Variants in DLG2 observed in about 807,000 individuals in gnomAD.
The protein encoded by DLG2 is disks large homolog 2.
Under a neutral mutation model 132.5 loss-of-function variants are expected in DLG2, and 45 were observed. The ratio of observed to expected loss-of-function variants is 0.34; its 90% CI spans 0.27 to 0.44. DLG2 has a LOEUF of 0.44. Among genes scored for constraint, DLG2 ranks in the 20% least tolerant of loss-of-function variants. The pLI is 1.00. For synonymous variants in DLG2, 424 were observed against 419.6 expected (o/e 1.01, Z -0.13); for missense variants, 1,045 against 1,196.9 (o/e 0.87, Z 1.87).
intron 3 of DLG2, among the ~76,000 whole-genome samples, chr11:85,382,567 G>T (rs1028518330): frequency 6.6e-6 from 1 of 151,862 alleles, no homozygotes; most frequent in South Asian, 2.1e-4. Flanking sequence ...GCAACCCACC[G>T]ATGAAAAATA....
At chr11:84,176,918 C>CTTTT (rs2095987342) in intron 8 of DLG2, among the ~76,000 whole-genome samples, 1 of 151,750 alleles carries the variant, frequency 6.6e-6, no homozygotes, top group Non-Finnish European at 1.5e-5. Flanking sequence ...CCCTTCCTTT[C>CTTTT]CTTTTCTTTT....
intron 3 of DLG2, among the ~76,000 whole-genome samples, chr11:85,596,915 T>C (rs1301264538): frequency 1.3e-5 from 2 of 152,246 alleles, no homozygotes; most frequent in African/African-American, 4.8e-5. Context: ...TGTTGTATAA[T>C]GTTGCTCTCT....
At chr11:85,233,563 A>T (rs1445878112) in intron 4 of DLG2, among the ~76,000 whole-genome samples, 1 of 151,900 alleles carries the variant, frequency 6.6e-6, no homozygotes, top group East Asian at 1.9e-4. Flanking sequence ...AGAATTCTAA[A>T]AGTTTTGTCA....
At position 84,898,762 on chromosome 11, in the gene DLG2, A is replaced by C. The variant is rs1012111980; in HGVS notation, c.357+212899T>G. Among the ~76,000 whole-genome samples the C allele has an allele frequency of 4.6e-5, 7 of 151,934 alleles. No individual in the cohort carries two copies. In the South Asian group the frequency reaches 1.5e-3, roughly 31 times the overall value. On this transcript the variant is annotated intron_variant, in intron 6 of 27. Coordinates refer to ENST00000376104, the MANE Select transcript of DLG2 (RefSeq NM_001142699.3). ...ACCTTACCTGCCTTTTCTTCTAAAA[A>C]ACTATCTAGCTATCTTCCATGGCCC...
At chr11:84,108,640 G>A (rs1219764179) in intron 9 of DLG2, among the ~76,000 whole-genome samples, 1 of 152,140 alleles carries the variant, frequency 6.6e-6, no homozygotes, top group East Asian at 1.9e-4. Context: ...GCTGAGGCAA[G>A]AGAAGGTAGC....
intron 4 of DLG2, among the ~76,000 whole-genome samples, chr11:85,271,786 T>C (rs1595859777): frequency 6.6e-6 from 1 of 152,236 alleles, no homozygotes; most frequent in Non-Finnish European, 1.5e-5. Flanking sequence ...GGAACAAGTA[T>C]TTACCCAATG....
intron 7 of DLG2, among the ~76,000 whole-genome samples, chr11:84,500,282 C>T (rs2099199773): frequency 6.6e-6 from 1 of 151,062 alleles, no homozygotes; most frequent in South Asian, 2.1e-4. Flanking sequence ...TGACAGTTGT[C>T]ACCCAGGCAT....
At position 85,047,231 on chromosome 11, in the gene DLG2, C is replaced by T. The variant is rs114796984; in HGVS notation, c.357+64430G>A. ...GCTTGCTGTTCCTAGATTGTTGTCCCTCGATTTTAGTGCATATCTTAATTT... is the reference window on the plus strand; with the variant it reads ...GCTTGCTGTTCCTAGATTGTTGTCCTTCGATTTTAGTGCATATCTTAATTT... On this transcript the variant is annotated intron_variant, in intron 6 of 27. Coordinates refer to ENST00000376104, the MANE Select transcript of DLG2 (RefSeq NM_001142699.3). 6.7e-3 allele frequency among the ~76,000 whole-genome samples: 1,012 copies of T among 151,952 alleles called. 12 individuals carry two copies. The highest frequency in any genetic ancestry group is 0.023 in the African/African-American group (969 of 41,466).
chr11:85,154,013 G>A (rs1354683276), intron 5 of DLG2, among the ~76,000 whole-genome samples: 1 of 151,676 alleles, frequency 6.6e-6, no homozygotes, highest in Non-Finnish European at 1.5e-5. Flanking sequence ...TAGGACTAAT[G>A]ACTTCATTTT....
At chr11:84,324,642 T>G (rs1427399216) in intron 7 of DLG2, among the ~76,000 whole-genome samples, 1 of 152,190 alleles carries the variant, frequency 6.6e-6, no homozygotes, top group Non-Finnish European at 1.5e-5. Context: ...ATGGACATTT[T>G]AACAATATTA....
chr11:85,545,383 G>A (rs927932993), intron 3 of DLG2, among the ~76,000 whole-genome samples: 8 of 152,142 alleles, frequency 5.3e-5, no homozygotes, highest in East Asian at 3.9e-4. Flanking sequence ...TGCTGGATTC[G>A]GTTTGCCAGT....
chr11:84,963,805 G>T (rs2052934991), intron 6 of DLG2, among the ~76,000 whole-genome samples: 1 of 152,090 alleles, frequency 6.6e-6, no homozygotes, highest in South Asian at 2.1e-4. Context: ...TACTCTGCAG[G>T]TAACTTGGCA....
intron 8 of DLG2, among the ~76,000 whole-genome samples, chr11:84,207,138 T>C (rs1195197349): frequency 6.6e-6 from 1 of 151,586 alleles, no homozygotes; most frequent in East Asian, 1.9e-4. Context: ...TACAAAATAC[T>C]GCTGAGATAG....
At chr11:84,420,826 G>A (rs1286409024) in intron 7 of DLG2, among the ~76,000 whole-genome samples, 2 of 151,118 alleles carry the variant, frequency 1.3e-5, no homozygotes, top group South Asian at 2.1e-4. Context: ...GCGCCACCAC[G>A]CCCGGCTAAT....
At position 84,713,173 on chromosome 11, in the gene DLG2, G is replaced by C. The variant is rs570829832; in HGVS notation, c.358-178442C>G. Among the ~76,000 whole-genome samples, 85 of 152,156 alleles carry C rather than the reference G, an allele frequency of 5.6e-4. 1 individual carries two copies. In the South Asian group the frequency reaches 0.016, roughly 29 times the overall value. ...ACTTAAGCATAGAATCCTGCTATTT[G>C]AAAGAGTACAAAATTATATTGGAAA... On this transcript the variant is annotated intron_variant, in intron 6 of 27. Transcript: ENST00000376104.
chr11:84,002,289 C>A (rs1237064910), intron 11 of DLG2, among the ~76,000 whole-genome samples: 4 of 152,308 alleles, frequency 2.6e-5, no homozygotes, highest in Non-Finnish European at 5.9e-5. Context: ...AGACTGGGAT[C>A]TACCATCCTA....
chr11:85,255,476 T>C (rs1421622433), intron 4 of DLG2, among the ~76,000 whole-genome samples: 1 of 152,194 alleles, frequency 6.6e-6, no homozygotes, highest in East Asian at 1.9e-4. Flanking sequence ...TCACCTAAAG[T>C]TCAAATATTT....
At chr11:85,571,518 T>C (rs572677614) in intron 3 of DLG2, among the ~76,000 whole-genome samples, 1 of 152,260 alleles carries the variant, frequency 6.6e-6, no homozygotes, top group South Asian at 2.1e-4. Flanking sequence ...AACTCTGCCT[T>C]AGCCTTCATA....
chr11:84,800,237 T>C (rs2153956101), intron 6 of DLG2, among the ~76,000 whole-genome samples: 2 of 152,314 alleles, frequency 1.3e-5, no homozygotes, highest in South Asian at 4.1e-4. Context: ...TCCCTTTCTC[T>C]CCATTCTTTA....
Sources: gnomAD v4.1 joint callset for allele counts (sites outside exome capture counted in the v4.1 genomes callset) on GRCh38, gnomAD v4.1.1 for gene constraint, MANE v1.5 for transcripts, NCBI Gene and HGNC (gene_info 2026-07-23, HGNC 2026-07-21) for gene names.